The following CIDEB variants were observed in gnomAD, a reference collection of about 807,000 sequenced individuals.
The protein encoded by CIDEB is lipid transferase CIDEB.
CIDEB carries 27 observed loss-of-function variants against 22.4 expected under a neutral mutation model. The observed-to-expected ratio is 1.21, with a 90% confidence interval of 0.89 to 1.66. The LOEUF (loss-of-function observed/expected upper bound fraction) is 1.66, where lower values mean the gene tolerates loss of function less well. Ranked by LOEUF, CIDEB falls within the 40% of genes most tolerant of loss-of-function variation. The pLI, the probability that CIDEB is intolerant of heterozygous loss-of-function variation, is 0.00. For synonymous variants in CIDEB, 103 were observed against 109.5 expected, an observed-to-expected ratio of 0.94 and a Z score of 0.37; for missense variants, 289 against 268.7, an observed-to-expected ratio of 1.08 and a Z score of -0.53.
rs780841571 is a variant in CIDEB, at chr14:24,305,664, C to T, written c.629G>A (p.Trp210Ter). 4 of 1,614,104 alleles carry T rather than the reference C, an allele frequency of 2.5e-6. No homozygotes were observed. Among genetic ancestry groups the T allele is most frequent in the East Asian group, 2.2e-5 (1 of 44,882 alleles). ...LRHAVEGAEQ[W>*]QQKGRLHSY The stretch of plus-strand genomic sequence containing the variant: ...GGAATGGAGGCGGCCCTTCTGCTGC[C>T]ACTGCTCAGCCCCCTCCACTGCATG... Residue 210 changes from tryptophan (W) to a stop codon, truncating the protein, a stop_gained, in exon 5 of 5, where the codon TGG becomes TAG. Transcript: ENST00000554411. LOFTEE classifies it high-confidence loss of function.
At position 24,305,253 on chromosome 14, in the gene CIDEB, A is replaced by C; in HGVS notation, c.*380T>G. ...TTAGTTTGAGGGGAAGGGTATGAAG[A>C]CAGATCTCAAGGTAAAGTCAGAGAG... is the stretch of plus-strand genomic sequence containing the variant. On this transcript the variant is annotated 3_prime_UTR_variant, in exon 5 of 5. Coordinates refer to ENST00000554411, the MANE Select transcript of CIDEB (RefSeq NM_001393339.1). 2.5e-6 allele frequency: 2 copies of C among 801,630 alleles called. No individual in the cohort carries two copies. The highest frequency in any genetic ancestry group is 3.6e-6 in the Non-Finnish European group (2 of 556,534). 49.7% of individuals were successfully genotyped at this position (801,630 alleles called of 1,614,324 possible). A position where few individuals can be genotyped will look rare whatever the true frequency, so the allele number is the denominator to read the frequency against.
upstream of CIDEB, chr14:24,310,416 C>T (rs1594634527): frequency 1.5e-6 from 1 of 652,352 alleles, no homozygotes; most frequent in South Asian, 1.7e-5. Flanking sequence ...CCACTGAGCT[C>T]TGGGAAGGAG....
chr14:24,311,157 G>A (rs2041688769), upstream of CIDEB: 5 of 1,602,778 alleles, frequency 3.1e-6, no homozygotes, highest in Non-Finnish European at 4.2e-6. Flanking sequence ...CCTGTGGAGG[G>A]ACCGCGTATG....
chr14:24,306,224 G>T, intron 3 of CIDEB, 87 bp from the exon 4 acceptor site: 1 of 1,525,454 alleles, frequency 6.6e-7, no homozygotes. Flanking sequence ...ACCCTCCCTC[G>T]CTTGGACTTT....
chr14:24,306,635 C>T (rs2041518600), intron 2 of CIDEB, 112 bp from the exon 3 acceptor site: 7 of 1,371,254 alleles, frequency 5.1e-6, no homozygotes, highest in Non-Finnish European at 6.1e-6. Context: ...CCCACTTTGA[C>T]TTTCCGGCAC....
At chr14:24,310,178 A>C, upstream of CIDEB, 1 of 335,592 alleles carries the variant, frequency 3.0e-6, no homozygotes. Context: ...TAGGCACAGG[A>C]CAGGAGTAGG....
upstream of CIDEB, chr14:24,310,256 G>T (rs1447849349): frequency 1.9e-6 from 1 of 515,276 alleles, no homozygotes; most frequent in Non-Finnish European, 3.5e-6. Flanking sequence ...TCCCAGCTTG[G>T]TAAGTAGATC....
At chr14:24,310,809 C>G, upstream of CIDEB, 1 of 1,596,686 alleles carries the variant, frequency 6.3e-7, no homozygotes, top group South Asian at 1.1e-5. Context: ...GGCGGGCTGG[C>G]GGCCTGCACG....
chr14:24,307,401 T>C lies in CIDEB; in HGVS notation c.156A>G (p.Thr52=), dbSNP rs753866500. The C allele has an allele frequency of 5.0e-6, 8 of 1,613,954 alleles. No individual in the cohort carries two copies. In the Admixed American group the frequency reaches 8.3e-5, roughly 17 times the overall value. The part of the protein sequence containing the change: ...DHKRTIRKGL[T]AATRQELLAK... ...CTAGCAGCTCCTGGCGGGTGGCAGC[T>C]GTCAGGCCTTTCCGGATGGTCCGCT... The change falls in exon 2 of 5, where the codon ACA becomes ACG. Residue 52 remains threonine (T), a synonymous_variant. Coordinates refer to ENST00000554411, the MANE Select transcript of CIDEB (RefSeq NM_001393339.1).
upstream of CIDEB, chr14:24,310,237 C>T (rs1020012969): frequency 6.2e-6 from 3 of 483,446 alleles, no homozygotes; most frequent in African/African-American, 2.0e-5. Context: ...GGCCCCCAAT[C>T]CTGCTTGCTC....
chr14:24,311,417 G>C, upstream of CIDEB: 1 of 1,601,434 alleles, frequency 6.2e-7, no homozygotes, highest in East Asian at 2.2e-5. Context: ...CGGTCGCAGC[G>C]CTGGCTCCAC....
At chr14:24,305,895 G>A (rs972086208) in intron 4 of CIDEB, 52 bp downstream of exon 4, 24 of 1,588,514 alleles carry the variant, frequency 1.5e-5, no homozygotes, top group Non-Finnish European at 2.1e-5. Context: ...GACGAATTAT[G>A]GGGACTATCC....
At chr14:24,308,163 A>T (rs1461018601), upstream of CIDEB, 4 of 427,330 alleles carry the variant, frequency 9.4e-6, no homozygotes, top group Non-Finnish European at 1.7e-5. Context: ...ATGTAAAAGG[A>T]TGAAATGTGA....
At chr14:24,308,621 T>C (rs1200039664), upstream of CIDEB, 1 of 153,174 alleles carries the variant, frequency 6.5e-6, no homozygotes, top group Non-Finnish European at 1.5e-5. Context: ...GACAGAGATG[T>C]GAATGGGGCA....
rs1566416088 is a variant in CIDEB at position 24,306,078 on chromosome 14, G to T, written c.396C>A (p.Ala132=). 1.2e-6 allele frequency: 2 copies of T among 1,614,010 alleles called. No homozygotes were observed. The stretch of plus-strand genomic sequence containing the variant: ...GCTTGTACACGTCAAAGGTGAATCG[G>T]GCGATGTCCTTGCTGTGCTTGGGCC... ...RERPKHSKDI[A]RFTFDVYKQN... is the part of the protein sequence containing the mutation. The change falls in exon 4 of 5, where the codon GCC becomes GCA. Residue 132 remains alanine, a synonymous_variant. Coordinates refer to ENST00000554411, the MANE Select transcript of CIDEB (RefSeq NM_001393339.1).
At chr14:24,311,341 T>A, upstream of CIDEB, 1 of 1,604,146 alleles carries the variant, frequency 6.2e-7, no homozygotes, top group Non-Finnish European at 8.5e-7. Context: ...GGCCGGCTGG[T>A]GAGCGCCATC....
chr14:24,307,706 G>T, intron 1 of CIDEB, 112 bp downstream of exon 1: 3 of 1,306,912 alleles, frequency 2.3e-6, no homozygotes, highest in Non-Finnish European at 2.2e-6. Context: ...ACTGTGGAGT[G>T]GGGAGCAGGA....
At chr14:24,310,281 T>C (rs1326569885), upstream of CIDEB, 1 of 573,960 alleles carries the variant, frequency 1.7e-6, no homozygotes, top group Non-Finnish European at 3.1e-6. Context: ...CACGTCCCTT[T>C]ACACCCCACC....
At position 24,306,460 on chromosome 14, in the gene CIDEB, C is replaced by T. The variant is rs748129829; in HGVS notation, c.250G>A (p.Val84Met). Residue 84 changes from valine (V) to methionine (M), a missense_variant, in exon 3 of 5, where the codon GTG (valine) becomes ATG (methionine). Physicochemically the swap from Val to Met is conservative, Grantham distance 21. Coordinates refer to ENST00000554411, the MANE Select transcript of CIDEB (RefSeq NM_001393339.1). Reference sequence around the variant, plus strand: ...AGCTGGAAGAAGTCCTCACTGTCCACTGCAGTTCCATCCTCCTCTAGCACC... The same window carrying T: ...AGCTGGAAGAAGTCCTCACTGTCCATTGCAGTTCCATCCTCCTCTAGCACC... The part of the protein sequence containing the change: ...TLVLEEDGTA[V>M]DSEDFFQLLE... 1.2e-6 allele frequency: 2 copies of T among 1,614,274 alleles called. No homozygotes were observed. The highest frequency in any genetic ancestry group is 2.2e-5 in the South Asian group (2 of 91,088).
Sources: gnomAD v4.1 joint callset for allele counts on GRCh38, gnomAD v4.1.1 for gene constraint, MANE v1.5 for transcripts, NCBI Gene and HGNC (gene_info 2026-07-23, HGNC 2026-07-21) for gene names.